The following ARVCF variants were observed in gnomAD, a reference collection of about 807,000 sequenced individuals.
ARVCF encodes ARVCF delta catenin family member.
In ARVCF, 66 loss-of-function variants were observed where a neutral mutation model predicts 90.9. That is an observed-to-expected ratio of 0.73 (90% CI 0.60 to 0.89). The LOEUF is 0.89. ARVCF is among the 40% of genes least tolerant of loss of function. The probability of loss-of-function intolerance (pLI) is 0.00; values close to 1 mark genes in which losing one functional copy is unlikely to be tolerated. For synonymous variants in ARVCF, 653 were observed against 603.4 expected (o/e 1.08, Z -1.21); for missense variants, 1,469 against 1,382.3 (o/e 1.06, Z -1.00).
chr22:19,972,458 G>A (rs368871636), intron 16 of ARVCF, 47 bp from the exon 17 acceptor site: 847 of 1,609,916 alleles, frequency 5.3e-4, no homozygotes, highest in Non-Finnish European at 6.4e-4. Context: ...AGCCAGGGGG[G>A]ATCGGGGCAG....
rs534263087 is a variant in ARVCF at position 19,988,161 on chromosome 22, C to T, written c.210+2424G>A. ...CCTCCGCAGGGACCACTCCCTGCTGCCCTGAGCGCCATATACAGAGGCCAC... is the reference window on the plus strand; with the variant it reads ...CCTCCGCAGGGACCACTCCCTGCTGTCCTGAGCGCCATATACAGAGGCCAC... On this transcript the variant is annotated intron_variant, in intron 3 of 19. Coordinates refer to ENST00000263207, the MANE Select transcript of ARVCF (RefSeq NM_001670.3). Among the ~76,000 whole-genome samples the T allele has an allele frequency of 1.7e-4, 26 of 152,302 alleles. 1 individual carries two copies. The highest frequency in any genetic ancestry group is 6.3e-4 in the African/African-American group (26 of 41,566).
chr22:20,004,346 AG>A (rs541829926), intron 2 of ARVCF, among the ~76,000 whole-genome samples: 1 of 152,148 alleles, frequency 6.6e-6, no homozygotes, highest in Non-Finnish European at 1.5e-5. Flanking sequence ...AATGACAGCC[AG>A]GCATAGTAGC....
chr22:19,968,544 C>A, downstream of ARVCF: 8 of 1,613,834 alleles, frequency 5.0e-6, no homozygotes, highest in Non-Finnish European at 6.8e-6. Context: ...AGGAATGTGG[C>A]CTGCTGCGGA....
At chr22:19,980,863 T>G (rs1418136099) in intron 5 of ARVCF, 2 of 278,104 alleles carry the variant, frequency 7.2e-6, no homozygotes, top group Non-Finnish European at 1.3e-5. Flanking sequence ...TGTGGTCACA[T>G]CCCCACTCCA....
Position 19,978,063 on chromosome 22 carries a change from G to A in ARVCF, c.1593C>T (p.Ser531=), listed in dbSNP as rs768347474. 3.4e-5 allele frequency: 54 copies of A among 1,608,138 alleles called. No individual in the cohort carries two copies. The highest frequency in any genetic ancestry group is 1.6e-4 in the Middle Eastern group (1 of 6,062). ...NTSGCLRNVS[S]DGAEARRRLR... is the part of the protein sequence containing the mutation. Reference sequence around the variant, plus strand: ...GTCGCCGCCGGGCCTCAGCACCATCGGAGCTCACATTCCTGTGTGGCCAAG... The same window carrying A: ...GTCGCCGCCGGGCCTCAGCACCATCAGAGCTCACATTCCTGTGTGGCCAAG... Residue 531 remains serine (S), a synonymous_variant, in exon 8 of 20, where the codon TCC becomes TCT. Coordinates refer to ENST00000263207, the MANE Select transcript of ARVCF (RefSeq NM_001670.3).
chr22:20,010,616 C>G (rs976307029), intron 1 of ARVCF, 108 bp from the exon 2 acceptor site: 1 of 152,376 alleles, frequency 6.6e-6, no homozygotes, highest in Admixed American at 6.5e-5. Flanking sequence ...CTTGTCATGC[C>G]TGATCTGAAG....
rs897306433 is a variant in ARVCF, at chr22:20,000,095, C to T, written c.-18-9283G>A. ...CTTGGGAAAGGTGCTCCTCACTGTA[C>T]CCTTCTCCCACCCAGCACATCAGAG... On this transcript the variant is annotated intron_variant, in intron 2 of 19. Coordinates refer to ENST00000263207, the MANE Select transcript of ARVCF (RefSeq NM_001670.3). Among the ~76,000 whole-genome samples the T allele has an allele frequency of 2.6e-5, 4 of 152,334 alleles. No homozygotes were observed. The South Asian group carries it at 8.3e-4, about 32-fold the overall frequency.
At position 19,978,015 on chromosome 22, in the gene ARVCF, C is replaced by T. The variant is rs1943260407; in HGVS notation, c.1641G>A (p.Val547=). The T allele has an allele frequency of 1.9e-6, 3 of 1,612,200 alleles. No individual in the cohort carries two copies. Among genetic ancestry groups the T allele is most frequent in the Non-Finnish European group, 1.7e-6 (2 of 1,179,628 alleles). The change falls in exon 8 of 20, where the codon GTG becomes GTA. Residue 547 remains valine (V), a synonymous_variant. Transcript: ENST00000263207. ...ACTGCAGGGCATGCAGGAGCGCGTCCACCAGCCCTTCACACTCCCGGAGTC... is the reference window on the plus strand; with the variant it reads ...ACTGCAGGGCATGCAGGAGCGCGTCTACCAGCCCTTCACACTCCCGGAGTC... ...RRRLRECEGL[V]DALLHALQSA...
intron 2 of ARVCF, among the ~76,000 whole-genome samples, chr22:19,995,490 A>G (rs1424921575): frequency 6.6e-6 from 1 of 152,122 alleles, no homozygotes; most frequent in Non-Finnish European, 1.5e-5. Flanking sequence ...AACCATGGTC[A>G]GCACACACTG....
At chr22:19,979,621 T>G in intron 6 of ARVCF, 122 bp downstream of exon 6, 1 of 1,394,052 alleles carries the variant, frequency 7.2e-7, no homozygotes, top group South Asian at 1.5e-5. Flanking sequence ...TCTCAGCAGC[T>G]GCACTCCTGC....
chr22:19,982,283 C>A (rs1943546723), intron 3 of ARVCF, among the ~76,000 whole-genome samples, 192 bp from the exon 4 acceptor site: 1 of 152,234 alleles, frequency 6.6e-6, no homozygotes, highest in Non-Finnish European at 1.5e-5. Flanking sequence ...AAGTTCTTGC[C>A]CTCTGAACAT....
At chr22:19,987,770 C>T (rs1460797442) in intron 3 of ARVCF, among the ~76,000 whole-genome samples, 3 of 152,058 alleles carry the variant, frequency 2.0e-5, no homozygotes, top group South Asian at 2.1e-4. Flanking sequence ...CCACAGAGTT[C>T]GATGGGGACC....
At chr22:19,994,712 G>A (rs1168647930) in intron 2 of ARVCF, among the ~76,000 whole-genome samples, 1 of 119,422 alleles carries the variant, frequency 8.4e-6, no homozygotes, top group Non-Finnish European at 1.7e-5. Context: ...TGAATGGATG[G>A]ATGGGTGGGT....
intron 2 of ARVCF, among the ~76,000 whole-genome samples, chr22:19,998,186 C>A (rs1317675591): frequency 6.6e-6 from 1 of 152,216 alleles, no homozygotes; most frequent in East Asian, 1.9e-4. Context: ...GTGCAGCAGT[C>A]ACCACGCTGG....
intron 8 of ARVCF, 35 bp downstream of exon 8, chr22:19,977,923 G>A: frequency 6.4e-7 from 1 of 1,567,146 alleles, no homozygotes. Flanking sequence ...CGTCTCTCCA[G>A]CCCTTGGTAT....
chr22:20,001,745 T>C (rs955607521), intron 2 of ARVCF, among the ~76,000 whole-genome samples: 6 of 151,970 alleles, frequency 3.9e-5, no homozygotes, highest in African/African-American at 1.4e-4. Flanking sequence ...TGAGCCAGGA[T>C]CACCTCACTG....
At chr22:19,972,226 C>T (rs1364778696) in intron 17 of ARVCF, 132 bp downstream of exon 17, 46 of 1,267,142 alleles carry the variant, frequency 3.6e-5, no homozygotes, top group Non-Finnish European at 5.0e-5. Context: ...TGTACCTCAC[C>T]CTCTAAGCAC....
intron 3 of ARVCF, among the ~76,000 whole-genome samples, chr22:19,985,176 A>G (rs767387033): frequency 6.6e-6 from 1 of 152,038 alleles, no homozygotes; most frequent in Non-Finnish European, 1.5e-5. Flanking sequence ...CTCCAGCCCA[A>G]TCCCACATGC....
intron 3 of ARVCF, among the ~76,000 whole-genome samples, chr22:19,987,834 G>C (rs1022829348): frequency 6.6e-6 from 1 of 152,060 alleles, no homozygotes; most frequent in Non-Finnish European, 1.5e-5. Flanking sequence ...TCTCCCCATC[G>C]AGGCACAGAA....
Sources: allele counts gnomAD v4.1 joint callset (sites outside exome capture counted in the v4.1 genomes callset), GRCh38; gene constraint gnomAD v4.1.1; transcripts MANE v1.5; gene names NCBI Gene and HGNC (gene_info 2026-07-23, HGNC 2026-07-21).